DLD: variants seen among roughly 807,000 people sequenced by gnomAD.
DLD encodes dihydrolipoyl dehydrogenase, mitochondrial.
DLD carries 36 observed loss-of-function variants against 62.2 expected under a neutral mutation model. That is an observed-to-expected ratio of 0.58 (90% confidence interval 0.44 to 0.76). DLD has a LOEUF of 0.76. Among genes scored for constraint, DLD ranks in the 30% least tolerant of loss-of-function variants. The pLI, the probability that DLD is intolerant of heterozygous loss-of-function variation, is 0.00. For synonymous variants in DLD, 204 were observed against 199.6 expected, an observed-to-expected ratio of 1.02 and a Z score of -0.19; for missense variants, 541 against 608.6, an observed-to-expected ratio of 0.89 and a Z score of 1.17.
chr7:107,911,108 A>T (rs1228417932), intron 8 of DLD, among the ~76,000 whole-genome samples: 1 of 152,170 alleles, frequency 6.6e-6, no homozygotes, highest in Admixed American at 6.5e-5. Flanking sequence ...GAACATTTTC[A>T]TCACCCTAAA....
chr7:107,917,979 C>G lies in DLD; in HGVS notation c.1292C>G (p.Thr431Arg). Residue 431 changes from threonine to arginine, a missense_variant, in exon 12 of 14, where the codon ACA (threonine) becomes AGA (arginine). Physicochemically the swap from Thr to Arg is moderately conservative, Grantham distance 71. Coordinates refer to ENST00000205402, the MANE Select transcript of DLD (RefSeq NM_000108.5). ...FPFAANSRAK[T>R]NADTDGMVKI... ...TTTGCTGCTAACAGCAGAGCTAAGACAAATGCTGACACAGATGGCATGGTG... is the reference window on the plus strand; with the variant it reads ...TTTGCTGCTAACAGCAGAGCTAAGAGAAATGCTGACACAGATGGCATGGTG... 1 of 1,614,054 alleles carries G rather than the reference C, an allele frequency of 6.2e-7. No individual in the cohort carries two copies. The highest frequency in any genetic ancestry group is 8.5e-7 in the Non-Finnish European group (1 of 1,179,934).
chr7:107,906,623 T>A (rs2032015253), intron 8 of DLD, among the ~76,000 whole-genome samples: 1 of 152,230 alleles, frequency 6.6e-6, no homozygotes, highest in South Asian at 2.1e-4. Flanking sequence ...CTGGTCGAAT[T>A]CTTTTTTAAT....
At chr7:107,917,793 C>T in intron 11 of DLD, 131 bp from the exon 12 acceptor site, 2 of 1,194,120 alleles carry the variant, frequency 1.7e-6, no homozygotes, top group Non-Finnish European at 2.4e-6. Context: ...CTGGTCTTTC[C>T]TTTCCTTCTA....
chr7:107,896,031 G>A (rs913105906), intron 2 of DLD, among the ~76,000 whole-genome samples: 6 of 152,224 alleles, frequency 3.9e-5, no homozygotes, highest in South Asian at 2.1e-4. Flanking sequence ...TAGGCTAAGA[G>A]TAGTAATTCA....
chr7:107,919,460 A>C lies in DLD; in HGVS notation c.*201A>C. On this transcript the variant is annotated 3_prime_UTR_variant, in exon 14 of 14. Transcript: ENST00000205402. ...TAAATTTAGTATTTTGTTTCAGTGC[A>C]CTAATGTGTAAGACAAAAAGCTACT... 2.0e-6 allele frequency: 1 copy of C among 507,790 alleles called. No individual in the cohort carries two copies. The highest frequency in any genetic ancestry group is 3.4e-6 in the Non-Finnish European group (1 of 290,380). The allele number at this position is 507,790 out of a possible 1,614,324, so 31.5% of individuals were successfully genotyped here.
chr7:107,908,523 T>C (rs2032064002), intron 8 of DLD, among the ~76,000 whole-genome samples: 2 of 151,872 alleles, frequency 1.3e-5, no homozygotes, highest in African/African-American at 4.8e-5. Flanking sequence ...AAAAAATTAG[T>C]TGGGCATGGT....
At chr7:107,917,875 AAG>A in intron 11 of DLD, 47 bp from the exon 12 acceptor site, 2 of 1,612,738 alleles carry the variant, frequency 1.2e-6, no homozygotes, top group Non-Finnish European at 8.5e-7. Context: ...ACAAATTGGA[AAG>A]AACTTTTCTG....
chr7:107,900,460 G>GT (rs946412821), intron 2 of DLD, among the ~76,000 whole-genome samples: 8 of 151,782 alleles, frequency 5.3e-5, no homozygotes, highest in Admixed American at 2.6e-4. Flanking sequence ...TATGAAGTAG[G>GT]TTTTTTTTGT....
At chr7:107,908,142 T>C (rs1365489902) in intron 8 of DLD, among the ~76,000 whole-genome samples, 1 of 149,074 alleles carries the variant, frequency 6.7e-6, no homozygotes, top group Admixed American at 6.9e-5. Flanking sequence ...ATTGTTAGTA[T>C]TTTTGTTTTT....
chr7:107,899,752 A>G (rs888165873), intron 2 of DLD, among the ~76,000 whole-genome samples: 8 of 152,032 alleles, frequency 5.3e-5, no homozygotes, highest in Admixed American at 2.0e-4. Flanking sequence ...GGGAGGACCT[A>G]TAAACAGTTC....
At chr7:107,893,418 T>C in intron 2 of DLD, 140 bp downstream of exon 2, 1 of 678,918 alleles carries the variant, frequency 1.5e-6, no homozygotes, top group Non-Finnish European at 2.4e-6. Context: ...TTCGTTTGAA[T>C]GTATATTGAG....
At chr7:107,916,540 C>T (rs1214122159) in intron 9 of DLD, among the ~76,000 whole-genome samples, 8 of 151,824 alleles carry the variant, frequency 5.3e-5, no homozygotes, top group African/African-American at 9.7e-5. Context: ...GGCGTGGTGG[C>T]GCGTGCCTGT....
Position 107,920,355 on chromosome 7 carries a change from T to A in DLD, c.*1096T>A, listed in dbSNP as rs1320331717. 2 of 152,366 alleles carry A rather than the reference T, an allele frequency of 1.3e-5. No individual in the cohort carries two copies. The highest frequency in any genetic ancestry group is 4.8e-5 in the African/African-American group (2 of 41,466). 9.4% of individuals were successfully genotyped at this position (152,366 alleles called of 1,614,324 possible). A position where few individuals can be genotyped will look rare whatever the true frequency, so the allele number is the denominator to read the frequency against. On this transcript the variant is annotated 3_prime_UTR_variant, in exon 14 of 14. Coordinates refer to ENST00000205402, the MANE Select transcript of DLD (RefSeq NM_000108.5). ...TAACTAAATTTAAGAATAATTCAGA[T>A]TAAGTAGTTCTGAAATTTGGTATAG...
rs911724224 is a variant in DLD, at chr7:107,891,393, G to A, written c.39+104G>A. ...CCGTGTTGGGCTGGCGGAGGCGGGC[G>A]CCTGGGCCGCACCACCCCTGGCCCC... On this transcript the variant is annotated intron_variant, in intron 1 of 13. Transcript: ENST00000205402. 22 of 1,311,716 alleles carry A rather than the reference G, an allele frequency of 1.7e-5. No homozygotes were observed. The Admixed American group carries it at 3.8e-4, about 23-fold the overall frequency. The allele number at this position is 1,311,716 out of a possible 1,614,324, so 81.3% of individuals were successfully genotyped here.
At chr7:107,895,551 A>G (rs1388929966) in intron 2 of DLD, among the ~76,000 whole-genome samples, 1 of 152,228 alleles carries the variant, frequency 6.6e-6, no homozygotes, top group Non-Finnish European at 1.5e-5. Context: ...TTCGACAAAT[A>G]CTAATATCTA....
intron 2 of DLD, among the ~76,000 whole-genome samples, chr7:107,895,329 G>A (rs1387381276): frequency 2.0e-5 from 3 of 152,174 alleles, no homozygotes; most frequent in Non-Finnish European, 2.9e-5. Context: ...CTCCTGAGGA[G>A]TTCAAATCTT....
intron 1 of DLD, among the ~76,000 whole-genome samples, chr7:107,892,333 A>T (rs1378343235): frequency 6.6e-6 from 1 of 152,212 alleles, no homozygotes; most frequent in Non-Finnish European, 1.5e-5. Flanking sequence ...GAACGTAAGT[A>T]CATTACTTGG....
chr7:107,911,846 A>G (rs1248034103), intron 8 of DLD, among the ~76,000 whole-genome samples: 1 of 152,060 alleles, frequency 6.6e-6, no homozygotes, highest in Non-Finnish European at 1.5e-5. Flanking sequence ...ATATTGAATT[A>G]TTCTCTTCTA....
At position 107,917,455 on chromosome 7, in the gene DLD, A is replaced by C. The variant is rs769783795; in HGVS notation, c.1229A>C (p.Lys410Thr). 1 of 1,614,084 alleles carries C rather than the reference A, an allele frequency of 6.2e-7. No homozygotes were observed. The highest frequency in any genetic ancestry group is 8.5e-7 in the Non-Finnish European group (1 of 1,179,952). The change falls in exon 11 of 14, where the codon AAA becomes ACA. Residue 410 changes from lysine (K) to threonine (T), a missense_variant. Transcript: ENST00000205402. ...AWVGKSEEQLKEEGIEYKVGK... is the reference protein window; with the variant it reads ...AWVGKSEEQLTEEGIEYKVGK... ...GTTGGCAAATCAGAAGAGCAGTTGA[A>C]AGAAGAGGTAAGTCTGAACATGGGT... is the stretch of plus-strand genomic sequence containing the variant.
Sources: allele counts gnomAD v4.1 joint callset (sites outside exome capture counted in the v4.1 genomes callset), GRCh38; gene constraint gnomAD v4.1.1; transcripts MANE v1.5; gene names NCBI Gene and HGNC (gene_info 2026-07-23, HGNC 2026-07-21).